OR51A4: variants seen among roughly 807,000 people sequenced by gnomAD.
OR51A4 encodes olfactory receptor family 51 subfamily A member 4.
For missense variants in OR51A4, 243 were observed against 364.0 expected, an observed-to-expected ratio of 0.67 and a Z score of 2.70; for synonymous variants, 96 against 141.5, an observed-to-expected ratio of 0.68 and a Z score of 2.28.
rs1846234295 is a variant in OR51A4, at chr11:4,942,839, C to T, written c.*3320G>A. On this transcript the variant is annotated 3_prime_UTR_variant, in exon 2 of 2. Transcript: ENST00000641898. ...TTTTAATGTGACATGTATGGGGACT[C>T]AAATTCTCAAGCAAGAATAACACAT... 1 of 152,112 alleles carries T rather than the reference C, an allele frequency of 6.6e-6. No homozygotes were observed. The highest frequency in any genetic ancestry group is 2.1e-4 in the South Asian group (1 of 4,828). The allele number at this position is 152,112 out of a possible 1,614,324, so 9.4% of individuals were successfully genotyped here.
Position 4,946,626 on chromosome 11 carries a change from G to A in OR51A4, c.475C>T (p.Leu159Phe), listed in dbSNP as rs1281794338. ...TTTCTTAAAGTGAAAGGGAAGGGAA[G>A]AACCAGGAGCATGCTCTTAAAGGAG... ...VFSFKSMLLV[L>F]PFPFTLRNLR... is the part of the protein sequence containing the mutation. The change falls in exon 2 of 2, where the codon CTT (leucine) becomes TTT (phenylalanine). Residue 159 changes from leucine (L) to phenylalanine (F), a missense_variant. By Grantham distance (22) the Leu-to-Phe change is conservative. Coordinates refer to ENST00000641898, the MANE Select transcript of OR51A4 (RefSeq NM_001005329.2). The A allele has an allele frequency of 1.3e-6, 2 of 1,575,512 alleles. No individual in the cohort carries two copies. The highest frequency in any genetic ancestry group is 1.4e-5 in the African/African-American group (1 of 72,896).
Position 4,946,096 on chromosome 11 carries a change from G to C in OR51A4, c.*63C>G. ...GATAATTCTTGGTGTCAAATATTAG[G>C]TTTCTCAAATTTACCTTAAATATCT... On this transcript the variant is annotated 3_prime_UTR_variant, in exon 2 of 2. Transcript: ENST00000641898. 5 of 1,418,018 alleles carry C rather than the reference G, an allele frequency of 3.5e-6. No individual in the cohort carries two copies. The highest frequency in any genetic ancestry group is 4.9e-6 in the Non-Finnish European group (5 of 1,015,134). 87.8% of individuals were successfully genotyped at this position (1,418,018 alleles called of 1,614,324 possible). A position where few individuals can be genotyped will look rare whatever the true frequency, so the allele number is the denominator to read the frequency against.
rs1846251895 is a variant in OR51A4 at position 4,943,763 on chromosome 11, A to T, written c.*2396T>A. 1 of 378,958 alleles carries T rather than the reference A, an allele frequency of 2.6e-6. No homozygotes were observed. The highest frequency in any genetic ancestry group is 2.1e-5 in the African/African-American group (1 of 47,268). 23.5% of individuals were successfully genotyped at this position (378,958 alleles called of 1,614,324 possible). ...AAAAACTACATTCTTCATTTCAGAAATATGTGAAAATCATTATGCTGACCA... is the reference window on the plus strand; with the variant it reads ...AAAAACTACATTCTTCATTTCAGAATTATGTGAAAATCATTATGCTGACCA... On this transcript the variant is annotated 3_prime_UTR_variant, in exon 2 of 2. Transcript: ENST00000641898.
chr11:4,944,512 T>G lies in OR51A4; in HGVS notation c.*1647A>C. On this transcript the variant is annotated 3_prime_UTR_variant, in exon 2 of 2. Transcript: ENST00000641898. ...ATCTATAAAGATTTTCCATTAATTG[T>G]GAAGTACGGTCAGTTGTGGGCTGAT... 1 of 154,420 alleles carries G rather than the reference T, an allele frequency of 6.5e-6. No homozygotes were observed. Among genetic ancestry groups the G allele is most frequent in the Admixed American group, 6.5e-5 (1 of 15,366 alleles). The allele number at this position is 154,420 out of a possible 1,614,324, so 9.6% of individuals were successfully genotyped here. A position where few individuals can be genotyped will look rare whatever the true frequency, so the allele number is the denominator to read the frequency against.
Position 4,943,523 on chromosome 11 carries a change from A to G in OR51A4, c.*2636T>C, listed in dbSNP as rs2605301. Reference sequence around the variant, plus strand: ...CTTGGCACCACTGACATTTTGTGCTAGATAATTCTTTTGGGTAAGGGCTAT... The same window carrying G: ...CTTGGCACCACTGACATTTTGTGCTGGATAATTCTTTTGGGTAAGGGCTAT... On this transcript the variant is annotated 3_prime_UTR_variant, in exon 2 of 2. Coordinates refer to ENST00000641898, the MANE Select transcript of OR51A4 (RefSeq NM_001005329.2). The G allele has an allele frequency of 0.84, 384,762 of 455,754 alleles. 162,933 individuals are homozygous for G. The highest frequency in any genetic ancestry group is 0.91 in the Admixed American group (38,524 of 42,540). 28.2% of individuals were successfully genotyped at this position (455,754 alleles called of 1,614,324 possible).
Position 4,944,852 on chromosome 11 carries a change from T to A in OR51A4, c.*1307A>T, listed in dbSNP as rs1433479305. ...TTTGAAATAGACAATTTAAAAAACTTGTATCCTACCTTGAAGAAATATTAC... is the reference window on the plus strand; with the variant it reads ...TTTGAAATAGACAATTTAAAAAACTAGTATCCTACCTTGAAGAAATATTAC... On this transcript the variant is annotated 3_prime_UTR_variant, in exon 2 of 2. Transcript: ENST00000641898. 4 of 152,128 alleles carry A rather than the reference T, an allele frequency of 2.6e-5. No individual in the cohort carries two copies. Among genetic ancestry groups the A allele is most frequent in the African/African-American group, 9.7e-5 (4 of 41,444 alleles). The allele number at this position is 152,128 out of a possible 1,614,324, so 9.4% of individuals were successfully genotyped here. A position where few individuals can be genotyped will look rare whatever the true frequency, so the allele number is the denominator to read the frequency against.
Position 4,943,926 on chromosome 11 carries a change from A to T in OR51A4, c.*2233T>A. On this transcript the variant is annotated 3_prime_UTR_variant, in exon 2 of 2. Transcript: ENST00000641898. ...TGTGACATCTATGTACAATATCCTG[A>T]AAGAATAAGATGCTATTAAAGCCAC... The T allele has an allele frequency of 2.4e-6, 1 of 422,382 alleles. No individual in the cohort carries two copies. The highest frequency in any genetic ancestry group is 1.7e-5 in the South Asian group (1 of 58,350). The allele number at this position is 422,382 out of a possible 1,614,324, so 26.2% of individuals were successfully genotyped here. A position where few individuals can be genotyped will look rare whatever the true frequency, so the allele number is the denominator to read the frequency against.
In OR51A4 at chr11:4,943,711, G is replaced by A; in HGVS notation, c.*2448C>T. 1 of 352,722 alleles carries A rather than the reference G, an allele frequency of 2.8e-6. No individual in the cohort carries two copies. Among genetic ancestry groups the A allele is most frequent in the Non-Finnish European group, 5.6e-6 (1 of 178,464 alleles). The allele number at this position is 352,722 out of a possible 1,614,324, so 21.8% of individuals were successfully genotyped here. ...CCAGTTGAGAACCACTGTTTAAGGAGCCCCAGAGTTGAGATTTTAATCCTC... is the reference window on the plus strand; with the variant it reads ...CCAGTTGAGAACCACTGTTTAAGGAACCCCAGAGTTGAGATTTTAATCCTC... On this transcript the variant is annotated 3_prime_UTR_variant, in exon 2 of 2. Transcript: ENST00000641898.
chr11:4,946,017 C>A lies in OR51A4; in HGVS notation c.*142G>T. ...TCCTGTTTATAGTTCTATTCTCATT[C>A]GCAGTATCCAGAGTGAATAAAATAA... On this transcript the variant is annotated 3_prime_UTR_variant, in exon 2 of 2. Coordinates refer to ENST00000641898, the MANE Select transcript of OR51A4 (RefSeq NM_001005329.2). The A allele has an allele frequency of 1.3e-6, 1 of 761,984 alleles. No homozygotes were observed. The highest frequency in any genetic ancestry group is 2.2e-6 in the Non-Finnish European group (1 of 464,320). The allele number at this position is 761,984 out of a possible 1,614,324, so 47.2% of individuals were successfully genotyped here.
chr11:4,946,826 G>A lies in OR51A4; in HGVS notation c.275C>T (p.Pro92Leu). The A allele has an allele frequency of 6.3e-7, 1 of 1,587,456 alleles. No homozygotes were observed. The highest frequency in any genetic ancestry group is 2.2e-5 in the East Asian group (1 of 44,864). The change falls in exon 2 of 2, where the codon CCT (proline) becomes CTT (leucine). Residue 92 changes from proline to leucine, a missense_variant. By Grantham distance (98) the Pro-to-Leu change is moderately conservative. Coordinates refer to ENST00000641898, the MANE Select transcript of OR51A4 (RefSeq NM_001005329.2). ...TVLSIFLFNA[P>L]EISSNACFAQ... is the part of the protein sequence containing the mutation. The stretch of plus-strand genomic sequence containing the variant: ...AAAGCAGGCATTGGATGAAATTTCA[G>A]GAGCATTGAACAGGAAGATGCTTAA...
rs572452287 is a variant in OR51A4 at position 4,943,505 on chromosome 11, C to A, written c.*2654G>T. 5 of 456,038 alleles carry A rather than the reference C, an allele frequency of 1.1e-5. No individual in the cohort carries two copies. Among genetic ancestry groups the A allele is most frequent in the East Asian group, 1.4e-4 (2 of 14,368 alleles). The allele number at this position is 456,038 out of a possible 1,614,324, so 28.2% of individuals were successfully genotyped here. ...ACTAAGGTTTTTTTAATGCTTGGCA[C>A]CACTGACATTTTGTGCTAGATAATT... On this transcript the variant is annotated 3_prime_UTR_variant, in exon 2 of 2. Coordinates refer to ENST00000641898, the MANE Select transcript of OR51A4 (RefSeq NM_001005329.2).
chr11:4,943,971 T>C lies in OR51A4; in HGVS notation c.*2188A>G. ...AGCCACCTAATTACTCCTCATCTTT[T>C]TAGTGGAAATGAAGTCTTCATATTG... is the stretch of plus-strand genomic sequence containing the variant. On this transcript the variant is annotated 3_prime_UTR_variant, in exon 2 of 2. Transcript: ENST00000641898. 2.4e-6 allele frequency: 1 copy of C among 409,012 alleles called. No homozygotes were observed. Among genetic ancestry groups the C allele is most frequent in the Non-Finnish European group, 4.8e-6 (1 of 206,424 alleles). 25.3% of individuals were successfully genotyped at this position (409,012 alleles called of 1,614,324 possible). A position where few individuals can be genotyped will look rare whatever the true frequency, so the allele number is the denominator to read the frequency against.
chr11:4,947,500 A>G lies in OR51A4; in HGVS notation c.-63+45T>C, dbSNP rs1168660864. On this transcript the variant is annotated intron_variant, in intron 1 of 1. Coordinates refer to ENST00000641898, the MANE Select transcript of OR51A4 (RefSeq NM_001005329.2). ...TCTATGTGATTAATTGCCAGTAATA[A>G]TAGTCAAATGAAAGCTAAATAAATG... 1.4e-5 allele frequency: 2 copies of G among 143,612 alleles called. 1 individual carries two copies. The highest frequency in any genetic ancestry group is 3.0e-5 in the Non-Finnish European group (2 of 66,056). The allele number at this position is 143,612 out of a possible 1,614,324, so 8.9% of individuals were successfully genotyped here. A position where few individuals can be genotyped will look rare whatever the true frequency, so the allele number is the denominator to read the frequency against.
Position 4,946,625 on chromosome 11 carries a change from A to G in OR51A4, c.476T>C (p.Leu159Pro), listed in dbSNP as rs1270423411. The change falls in exon 2 of 2, where the codon CTT becomes CCT. Residue 159 changes from leucine to proline, a missense_variant. By Grantham distance (98) the Leu-to-Pro change is moderately conservative. Transcript: ENST00000641898. ...VFSFKSMLLV[L>P]PFPFTLRNLR... ...GTTTCTTAAAGTGAAAGGGAAGGGAAGAACCAGGAGCATGCTCTTAAAGGA... is the reference window on the plus strand; with the variant it reads ...GTTTCTTAAAGTGAAAGGGAAGGGAGGAACCAGGAGCATGCTCTTAAAGGA... 6.3e-7 allele frequency: 1 copy of G among 1,575,058 alleles called. No homozygotes were observed. The highest frequency in any genetic ancestry group is 1.7e-5 in the Admixed American group (1 of 59,440).
Position 4,944,656 on chromosome 11 carries a change from A to C in OR51A4, c.*1503T>G, listed in dbSNP as rs1353542937. On this transcript the variant is annotated 3_prime_UTR_variant, in exon 2 of 2. Transcript: ENST00000641898. ...AAATGACTTGATTCAATGGGTAGGT[A>C]AAATGAAAAGGCTAAAATGATTTTC... 6.6e-6 allele frequency: 1 copy of C among 152,150 alleles called. No homozygotes were observed. Among genetic ancestry groups the C allele is most frequent in the Non-Finnish European group, 1.5e-5 (1 of 68,016 alleles). 9.4% of individuals were successfully genotyped at this position (152,150 alleles called of 1,614,324 possible).
rs1846325259 is a variant in OR51A4 at position 4,947,140 on chromosome 11, T to C, written c.-40A>G. On this transcript the variant is annotated 5_prime_UTR_variant, in exon 2 of 2. Coordinates refer to ENST00000641898, the MANE Select transcript of OR51A4 (RefSeq NM_001005329.2). ...GCTCTGCTATGAAAAATACAGATGC[T>C]TGTGTTGGTAAAATAGGAATATCTG... 2 of 999,460 alleles carry C rather than the reference T, an allele frequency of 2.0e-6. 1 individual carries two copies. Among genetic ancestry groups the C allele is most frequent in the African/African-American group, 3.5e-5 (2 of 56,934 alleles). The allele number at this position is 999,460 out of a possible 1,614,324, so 61.9% of individuals were successfully genotyped here. A position where few individuals can be genotyped will look rare whatever the true frequency, so the allele number is the denominator to read the frequency against.
rs1447861561 is a variant in OR51A4 at position 4,943,396 on chromosome 11, G to A, written c.*2763C>T. On this transcript the variant is annotated 3_prime_UTR_variant, in exon 2 of 2. Coordinates refer to ENST00000641898, the MANE Select transcript of OR51A4 (RefSeq NM_001005329.2). The stretch of plus-strand genomic sequence containing the variant: ...TGAGGAACTTCTCTGGTATCAGATT[G>A]CCCCTAGGTGCTGTGTAGGTGAGCT... 4.7e-6 allele frequency: 2 copies of A among 425,548 alleles called. No homozygotes were observed. Among genetic ancestry groups the A allele is most frequent in the Non-Finnish European group, 9.4e-6 (2 of 211,742 alleles). The allele number at this position is 425,548 out of a possible 1,614,324, so 26.4% of individuals were successfully genotyped here.
chr11:4,944,080 A>C lies in OR51A4; in HGVS notation c.*2079T>G. 4.4e-6 allele frequency: 2 copies of C among 450,744 alleles called. No homozygotes were observed. The highest frequency in any genetic ancestry group is 8.9e-6 in the Non-Finnish European group (2 of 225,280). The allele number at this position is 450,744 out of a possible 1,614,324, so 27.9% of individuals were successfully genotyped here. On this transcript the variant is annotated 3_prime_UTR_variant, in exon 2 of 2. Transcript: ENST00000641898. ...ATGTCAACTACTGCTTGGTTGTACT[A>C]CAACCCCAAACCCATATCTGTATTT... is the stretch of plus-strand genomic sequence containing the variant.
Position 4,946,395 on chromosome 11 carries a change from G to A in OR51A4, c.706C>T (p.Leu236Phe), listed in dbSNP as rs1431320765. 1 of 1,613,534 alleles carries A rather than the reference G, an allele frequency of 6.2e-7. No individual in the cohort carries two copies. Among genetic ancestry groups the A allele is most frequent in the Non-Finnish European group, 8.5e-7 (1 of 1,179,838 alleles). ...VLGIASKKEQLKALNTCVSHI... is the reference protein window; with the variant it reads ...VLGIASKKEQFKALNTCVSHI... ...GAAACACAAGTATTGAGAGCCTTAA[G>A]CTGCTCCTTTTTGGATGCAATTCCC... Residue 236 changes from leucine to phenylalanine, a missense_variant, in exon 2 of 2, where the codon CTT becomes TTT. By Grantham distance (22) the Leu-to-Phe change is conservative. Transcript: ENST00000641898.
Sources: allele counts gnomAD v4.1 joint callset, GRCh38; gene constraint gnomAD v4.1.1; transcripts MANE v1.5; gene names NCBI Gene and HGNC (gene_info 2026-07-23, HGNC 2026-07-21).